Variants in PTPRD observed in about 807,000 individuals in gnomAD.
PTPRD encodes the protein receptor-type tyrosine-protein phosphatase delta.
PTPRD carries 34 observed loss-of-function variants against 214.5 expected under a neutral mutation model. That is an observed-to-expected ratio of 0.16 (90% CI 0.12 to 0.21). The LOEUF (loss-of-function observed/expected upper bound fraction) is 0.21. Among genes scored for constraint, PTPRD ranks in the 10% least tolerant of loss-of-function variants. The pLI, the probability that PTPRD is intolerant of heterozygous loss-of-function variation, is 1.00. For synonymous variants in PTPRD, 1,128 were observed against 845.7 expected (o/e 1.33, Z -5.79); for missense variants, 2,545 against 2,398.7 (o/e 1.06, Z -1.27).
At chr9:9,892,952 A>G (rs2073868482) in intron 5 of PTPRD, among the ~76,000 whole-genome samples, 1 of 152,098 alleles carries the variant, frequency 6.6e-6, no homozygotes, top group East Asian at 1.9e-4. Context: ...TGTTGGGAAA[A>G]TTTGTAGGAG....
At chr9:9,727,054 C>T (rs1285577629) in intron 7 of PTPRD, among the ~76,000 whole-genome samples, 1 of 152,108 alleles carries the variant, frequency 6.6e-6, no homozygotes, top group Admixed American at 6.6e-5. Flanking sequence ...TGATTTAGGA[C>T]AGGAGGCAAG....
chr9:8,895,381 C>T (rs2098600748), intron 11 of PTPRD, among the ~76,000 whole-genome samples: 1 of 152,176 alleles, frequency 6.6e-6, no homozygotes, highest in South Asian at 2.1e-4. Context: ...TATGTTCCCA[C>T]TCTCTCTGTC....
chr9:9,120,521 T>C (rs1458437006), intron 10 of PTPRD, among the ~76,000 whole-genome samples: 3 of 152,222 alleles, frequency 2.0e-5, no homozygotes, highest in Admixed American at 1.3e-4. Flanking sequence ...CATGCCTCCA[T>C]TGCATATAAA....
At chr9:9,605,020 C>T (rs1451433321) in intron 7 of PTPRD, among the ~76,000 whole-genome samples, 1 of 151,974 alleles carries the variant, frequency 6.6e-6, no homozygotes, top group African/African-American at 2.4e-5. Context: ...CTCATAAACT[C>T]AGATTGTTGC....
At chr9:9,235,188 C>A (rs1251007133) in intron 9 of PTPRD, among the ~76,000 whole-genome samples, 1 of 152,060 alleles carries the variant, frequency 6.6e-6, no homozygotes, top group Non-Finnish European at 1.5e-5. Context: ...CTTATAAAAC[C>A]ATCATATCTT....
At chr9:10,187,625 T>C (rs138103255) in intron 3 of PTPRD, among the ~76,000 whole-genome samples, 30 of 152,318 alleles carry the variant, frequency 2.0e-4, no homozygotes, top group East Asian at 5.8e-4. Context: ...TACATCGCTC[T>C]CCAATACTGA....
At position 10,208,382 on chromosome 9, in the gene PTPRD, C is replaced by CG. The variant is rs1354102696; in HGVS notation, c.-545+132580dup. On this transcript the variant is annotated intron_variant, in intron 3 of 45. Transcript: ENST00000381196. Reference sequence around the variant, plus strand: ...ACAAAAAATTAGCCGGGCGTGGTGGCGGGCGCCTGTAGTCCCAGCTACTCG... The same window carrying CG: ...ACAAAAAATTAGCCGGGCGTGGTGGCGGGGCGCCTGTAGTCCCAGCTACTCG... 5.9e-5 allele frequency among the ~76,000 whole-genome samples: 9 copies of CG among 152,058 alleles called. No individual in the cohort carries two copies. In the East Asian group the frequency reaches 1.7e-3, roughly 29 times the overall value.
intron 5 of PTPRD, among the ~76,000 whole-genome samples, chr9:9,926,125 T>G (rs1284998642): frequency 6.6e-6 from 1 of 152,164 alleles, no homozygotes; most frequent in Non-Finnish European, 1.5e-5. Context: ...CCACTGCACC[T>G]GGCCAACTTC....
At chr9:9,594,979 G>A (rs1049034787) in intron 7 of PTPRD, among the ~76,000 whole-genome samples, 3 of 151,892 alleles carry the variant, frequency 2.0e-5, no homozygotes, top group African/African-American at 7.3e-5. Flanking sequence ...ACAAACATAT[G>A]GAAAAATGCT....
At position 9,106,029 on chromosome 9, in the gene PTPRD, A is replaced by AG. The variant is rs563957911; in HGVS notation, c.-143+77274dup. 7.2e-5 allele frequency among the ~76,000 whole-genome samples: 11 copies of AG among 152,140 alleles called. No homozygotes were observed. In the South Asian group the frequency reaches 1.7e-3, roughly 23 times the overall value. ...TTCTCTAGGACATCATAATTAGAAA[A>AG]GGGGGGGTCGATGGCTGAGATACCT... is the stretch of plus-strand genomic sequence containing the variant. On this transcript the variant is annotated intron_variant, in intron 10 of 45. Transcript: ENST00000381196.
intron 9 of PTPRD, among the ~76,000 whole-genome samples, chr9:9,375,034 A>T (rs535985039): frequency 6.6e-6 from 1 of 152,286 alleles, no homozygotes; most frequent in African/African-American, 2.4e-5. Context: ...TTTTTTTACA[A>T]AATAGAACAG....
At chr9:8,654,010 G>T (rs1462257346) in intron 12 of PTPRD, among the ~76,000 whole-genome samples, 1 of 151,960 alleles carries the variant, frequency 6.6e-6, no homozygotes, top group Non-Finnish European at 1.5e-5. Flanking sequence ...TGACATTTTG[G>T]GTCAGACTAT....
chr9:9,245,397 A>G (rs2131267893), intron 9 of PTPRD, among the ~76,000 whole-genome samples: 1 of 152,290 alleles, frequency 6.6e-6, no homozygotes, highest in African/African-American at 2.4e-5. Flanking sequence ...AGACTGGATT[A>G]AGAAAATGTG....
intron 11 of PTPRD, among the ~76,000 whole-genome samples, chr9:8,772,110 T>TA (rs1415476896): frequency 4.0e-5 from 6 of 150,590 alleles, no homozygotes; most frequent in Admixed American, 6.6e-5. Context: ...AATTAAAACT[T>TA]AAAAAAAAAC....
chr9:10,309,564 C>T (rs1283120149), intron 3 of PTPRD, among the ~76,000 whole-genome samples: 3 of 150,760 alleles, frequency 2.0e-5, no homozygotes, highest in Non-Finnish European at 3.0e-5. Context: ...GGGGTTTCAC[C>T]ATGTTGGTCA....
rs532308054 is a variant in PTPRD at position 9,806,150 on chromosome 9, T to A, written c.-367-39299A>T. ...TAAAGGTTGCTGGTGTTAGAGTAGG[T>A]AGGCAGCCATGAGCAAGGCAAGAGA... is the stretch of plus-strand genomic sequence containing the variant. On this transcript the variant is annotated intron_variant, in intron 5 of 45. Transcript: ENST00000381196. Among the ~76,000 whole-genome samples, 7 of 152,178 alleles carry A rather than the reference T, an allele frequency of 4.6e-5. No homozygotes were observed. In the East Asian group the frequency reaches 1.4e-3, roughly 29 times the overall value.
At chr9:9,464,294 C>T (rs763239508) in intron 8 of PTPRD, among the ~76,000 whole-genome samples, 3 of 152,116 alleles carry the variant, frequency 2.0e-5, no homozygotes, top group Non-Finnish European at 4.4e-5. Context: ...CCCTCTCACC[C>T]TCCCTGCTTT....
At chr9:10,379,649 T>A (rs1490834571) in intron 2 of PTPRD, among the ~76,000 whole-genome samples, 2 of 152,086 alleles carry the variant, frequency 1.3e-5, no homozygotes, top group African/African-American at 4.8e-5. Flanking sequence ...TTAAAAAGTA[T>A]AACAGTTCAA....
At chr9:9,027,333 C>A (rs954555931) in intron 10 of PTPRD, among the ~76,000 whole-genome samples, 1 of 151,760 alleles carries the variant, frequency 6.6e-6, no homozygotes, top group South Asian at 2.1e-4. Flanking sequence ...CAGCTTTTAT[C>A]CATTTGACAA....
Sources: gnomAD v4.1 joint callset for allele counts (sites outside exome capture counted in the v4.1 genomes callset) on GRCh38, gnomAD v4.1.1 for gene constraint, MANE v1.5 for transcripts, NCBI Gene and HGNC (gene_info 2026-07-23, HGNC 2026-07-21) for gene names.